DGKB: variants seen among roughly 807,000 people sequenced by gnomAD.
DGKB encodes the protein 90 kDa diacylglycerol kinase.
Under a neutral mutation model 114.3 loss-of-function variants are expected in DGKB, and 67 were observed. The ratio of observed to expected loss-of-function variants is 0.59; its 90% CI spans 0.48 to 0.72. The LOEUF (loss-of-function observed/expected upper bound fraction) is 0.72, where lower values mean the gene tolerates loss of function less well. Ranked by LOEUF, DGKB falls within the 30% of genes least tolerant of loss-of-function variation. DGKB has a pLI of 0.00. For missense variants in DGKB, 907 were observed against 975.2 expected (o/e 0.93, Z 0.93); for synonymous variants, 398 against 323.1 (o/e 1.23, Z -2.49).
chr7:14,311,573 C>T (rs1259761372), intron 23 of DGKB, among the ~76,000 whole-genome samples: 1 of 152,126 alleles, frequency 6.6e-6, no homozygotes, highest in Non-Finnish European at 1.5e-5. Context: ...CCGGTGCATG[C>T]CACCATGCCT....
intron 1 of DGKB, among the ~76,000 whole-genome samples, chr7:14,952,423 C>T (rs1415051678): frequency 5.3e-5 from 8 of 152,102 alleles, no homozygotes; most frequent in Non-Finnish European, 7.4e-5. Context: ...AATTGATCTA[C>T]AGAATCACTG....
chr7:14,532,773 A>G (rs756779100), intron 20 of DGKB, among the ~76,000 whole-genome samples: 1 of 151,692 alleles, frequency 6.6e-6, no homozygotes, highest in African/African-American at 2.4e-5. Flanking sequence ...ATTATCAAGC[A>G]TATACACTAG....
intron 2 of DGKB, among the ~76,000 whole-genome samples, chr7:14,813,196 T>G (rs1843662788): frequency 6.6e-6 from 1 of 152,186 alleles, no homozygotes. Context: ...TTTCTAACAC[T>G]CGGCGTTCCT....
chr7:14,532,144 G>T (rs1239452478), intron 20 of DGKB, among the ~76,000 whole-genome samples: 3 of 150,908 alleles, frequency 2.0e-5, no homozygotes, highest in Non-Finnish European at 4.5e-5. Flanking sequence ...ACGACCTTTG[G>T]GTTAGGGAAA....
intron 2 of DGKB, among the ~76,000 whole-genome samples, chr7:14,833,104 G>C (rs143825397): frequency 1.1e-3 from 170 of 151,930 alleles, no homozygotes; most frequent in African/African-American, 4.1e-3. Context: ...GATTGAATTC[G>C]GTTCATTCTG....
At chr7:14,828,730 T>G (rs950039291) in intron 2 of DGKB, among the ~76,000 whole-genome samples, 1 of 152,182 alleles carries the variant, frequency 6.6e-6, no homozygotes, top group African/African-American at 2.4e-5. Context: ...CTAAAGTTTC[T>G]GCATTAACAG....
chr7:14,821,020 C>T (rs1235307926), intron 2 of DGKB, among the ~76,000 whole-genome samples: 4 of 151,978 alleles, frequency 2.6e-5, no homozygotes, highest in African/African-American at 9.7e-5. Context: ...TCACCAGATT[C>T]CAGAAAGGTC....
At chr7:14,305,520 C>G (rs1804320143) in intron 23 of DGKB, among the ~76,000 whole-genome samples, 1 of 152,148 alleles carries the variant, frequency 6.6e-6, no homozygotes. Flanking sequence ...ACAATGAACT[C>G]TCTAATGTAC....
intron 23 of DGKB, among the ~76,000 whole-genome samples, chr7:14,236,843 T>C (rs1220227565): frequency 6.6e-6 from 1 of 151,986 alleles, no homozygotes; most frequent in African/African-American, 2.4e-5. Context: ...AAAACAGTCG[T>C]GTAGACCCCT....
At chr7:14,802,566 T>C (rs929925013) in intron 2 of DGKB, among the ~76,000 whole-genome samples, 5 of 152,194 alleles carry the variant, frequency 3.3e-5, no homozygotes, top group Non-Finnish European at 2.9e-5. Context: ...AAACCAATGC[T>C]GAATTGAAGT....
intron 20 of DGKB, among the ~76,000 whole-genome samples, chr7:14,565,909 T>G (rs1030958266): frequency 6.6e-6 from 1 of 152,182 alleles, no homozygotes; most frequent in Non-Finnish European, 1.5e-5. Flanking sequence ...AGCAGCCAGA[T>G]TAATATTTTT....
At chr7:14,291,773 A>G (rs1801809760) in intron 23 of DGKB, among the ~76,000 whole-genome samples, 1 of 152,188 alleles carries the variant, frequency 6.6e-6, no homozygotes, top group Admixed American at 6.5e-5. Flanking sequence ...ATGAAAGCAG[A>G]AAATACCACC....
At chr7:14,807,548 T>C (rs1258060231) in intron 2 of DGKB, among the ~76,000 whole-genome samples, 1 of 152,000 alleles carries the variant, frequency 6.6e-6, no homozygotes, top group Non-Finnish European at 1.5e-5. Flanking sequence ...AAAATAGTTA[T>C]TAACTATGGT....
chr7:14,540,804 T>A (rs1385281570), intron 20 of DGKB, among the ~76,000 whole-genome samples: 13 of 152,194 alleles, frequency 8.5e-5, no homozygotes, highest in Admixed American at 8.5e-4. Context: ...AGGCAAATGA[T>A]ATGAATATAT....
intron 21 of DGKB, among the ~76,000 whole-genome samples, chr7:14,469,044 A>G (rs1490885097): frequency 6.6e-6 from 1 of 152,154 alleles, no homozygotes; most frequent in African/African-American, 2.4e-5. Context: ...TATTTAAATT[A>G]GAGCATATAC....
At chr7:14,839,826 CT>C (rs1292436952) in intron 2 of DGKB, among the ~76,000 whole-genome samples, 1 of 150,618 alleles carries the variant, frequency 6.6e-6, no homozygotes, top group East Asian at 1.9e-4. Flanking sequence ...TAGTCATAGA[CT>C]TTTTTTAGTT....
At chr7:14,874,668 T>TG (rs1309595559) in intron 1 of DGKB, among the ~76,000 whole-genome samples, 1 of 151,998 alleles carries the variant, frequency 6.6e-6, no homozygotes, top group Non-Finnish European at 1.5e-5. Context: ...ATAAAAGAAG[T>TG]GGGGGAATAT....
At chr7:14,335,247 G>C (rs1399100429) in intron 23 of DGKB, among the ~76,000 whole-genome samples, 1 of 151,706 alleles carries the variant, frequency 6.6e-6, no homozygotes, top group Non-Finnish European at 1.5e-5. Flanking sequence ...TCATACCTTT[G>C]GACTATGATA....
chr7:14,271,112 A>T (rs545638969), intron 23 of DGKB, among the ~76,000 whole-genome samples: 1 of 152,344 alleles, frequency 6.6e-6, no homozygotes, highest in South Asian at 2.1e-4. Flanking sequence ...GAAATCGTTT[A>T]CAGGGCAATT....
Sources: gnomAD v4.1 joint callset for allele counts (sites outside exome capture counted in the v4.1 genomes callset) on GRCh38, gnomAD v4.1.1 for gene constraint, MANE v1.5 for transcripts, NCBI Gene and HGNC (gene_info 2026-07-23, HGNC 2026-07-21) for gene names.